POTEC: variants seen among roughly 807,000 people sequenced by gnomAD.
The protein encoded by POTEC is POTE ankyrin domain family member C.
In POTEC, 35 loss-of-function variants were observed where a neutral mutation model predicts 62.0. That is an observed-to-expected ratio of 0.56 (90% CI 0.43 to 0.75). The LOEUF (loss-of-function observed/expected upper bound fraction) is 0.75, where lower values mean the gene tolerates loss of function less well. POTEC is among the 30% of genes least tolerant of loss of function. POTEC has a pLI of 0.00. For missense variants in POTEC, 472 were observed against 655.9 expected (o/e 0.72, Z 3.06); for synonymous variants, 156 against 221.5 (o/e 0.70, Z 2.62).
At chr18:14,521,629 T>C (rs1910310818) in intron 9 of POTEC, among the ~76,000 whole-genome samples, 1 of 152,174 alleles carries the variant, frequency 6.6e-6, no homozygotes. Context: ...AATATGCTAC[T>C]AAATTAATGT....
rs763235728 is a variant in POTEC at position 14,542,924 on chromosome 18, T to A, written c.223A>T (p.Ser75Cys). The A allele has an allele frequency of 2.0e-5, 30 of 1,524,048 alleles. No individual in the cohort carries two copies. The highest frequency in any genetic ancestry group is 2.6e-5 in the Non-Finnish European group (29 of 1,129,356). The allele number at this position is 1,524,048 out of a possible 1,614,324, so 94.4% of individuals were successfully genotyped here. ...CHHCFPCCRG[S>C]GTSNVGTSGD... is the part of the protein sequence containing the mutation. ...GAAGTGCCCACGTTGCTCGTGCCGC[T>A]CCCCCTGCAGCAGGGGAAGCAGTGG... Residue 75 changes from serine to cysteine, a missense_variant, in exon 1 of 11, where the codon AGC (serine) becomes TGC (cysteine). By Grantham distance (112) the Ser-to-Cys change is moderately radical (BLOSUM62 -1). Transcript: ENST00000358970.
intron 3 of POTEC, 142 bp from the exon 4 acceptor site, chr18:14,535,149 C>T (rs557300425): frequency 3.3e-6 from 4 of 1,212,164 alleles, no homozygotes; most frequent in East Asian, 2.7e-5. Flanking sequence ...TACTTTCCCA[C>T]ATGCCACTCC....
In POTEC at chr18:14,543,387, GC is replaced by G. The variant is rs1236001427; in HGVS notation, c.-242del. On this transcript the variant is annotated 5_prime_UTR_variant, in exon 1 of 11. Coordinates refer to ENST00000358970, the MANE Select transcript of POTEC (RefSeq NM_001137671.2). ...CAACGCCCACCCCAGGAAAGGCCAA[GC>G]CCCCCCTCCCAAGGAAACACCCAGC... 1.2e-5 allele frequency: 8 copies of G among 654,086 alleles called. No homozygotes were observed. The highest frequency in any genetic ancestry group is 8.5e-5 in the East Asian group (3 of 35,420). The allele number at this position is 654,086 out of a possible 1,614,324, so 40.5% of individuals were successfully genotyped here.
intron 1 of POTEC, among the ~76,000 whole-genome samples, chr18:14,541,810 C>T (rs1466292635): frequency 6.6e-6 from 1 of 151,578 alleles, no homozygotes; most frequent in Non-Finnish European, 1.5e-5. Context: ...ATGAATAATT[C>T]ACCTTGTTTT....
chr18:14,518,582 T>C (rs1469780107), intron 9 of POTEC, among the ~76,000 whole-genome samples: 2 of 139,418 alleles, frequency 1.4e-5, no homozygotes, highest in East Asian at 2.0e-4. Flanking sequence ...AGGCACCCAA[T>C]TGAACCTTAA....
chr18:14,518,541 T>C (rs1237823727), intron 9 of POTEC, among the ~76,000 whole-genome samples: 2 of 146,272 alleles, frequency 1.4e-5, no homozygotes, highest in African/African-American at 5.0e-5. Flanking sequence ...CACTGAACCT[T>C]CCCTTCGTTA....
At chr18:14,527,659 A>G (rs1910471635) in intron 6 of POTEC, among the ~76,000 whole-genome samples, 1 of 152,118 alleles carries the variant, frequency 6.6e-6, no homozygotes, top group South Asian at 2.1e-4. Context: ...CCTCTGCTTT[A>G]TATTACCACT....
At chr18:14,534,528 C>T (rs574694846) in intron 4 of POTEC, among the ~76,000 whole-genome samples, 1 of 151,854 alleles carries the variant, frequency 6.6e-6, no homozygotes, top group African/African-American at 2.4e-5. Flanking sequence ...AGTGGAAAAA[C>T]ATATAAGATA....
At chr18:14,515,237 T>C (rs926619926) in intron 9 of POTEC, among the ~76,000 whole-genome samples, 1 of 152,170 alleles carries the variant, frequency 6.6e-6, no homozygotes, top group Admixed American at 6.5e-5. Context: ...AGAGCCTGAA[T>C]AGCAACAGAC....
intron 9 of POTEC, among the ~76,000 whole-genome samples, chr18:14,517,548 A>C (rs956501925): frequency 1.8e-4 from 10 of 55,562 alleles, no homozygotes; most frequent in African/African-American, 6.7e-4. Flanking sequence ...GTGCCACCCT[A>C]ATTTTTTTTT....
intron 9 of POTEC, among the ~76,000 whole-genome samples, chr18:14,517,235 T>C (rs1910189886): frequency 6.6e-6 from 1 of 152,062 alleles, no homozygotes; most frequent in African/African-American, 2.4e-5. Context: ...ATACAGAAAA[T>C]TTTCAGTTAA....
intron 1 of POTEC, among the ~76,000 whole-genome samples, chr18:14,541,691 G>C (rs1367380809): frequency 6.6e-6 from 1 of 151,698 alleles, no homozygotes; most frequent in Non-Finnish European, 1.5e-5. Flanking sequence ...GTTTTCTTCT[G>C]GTACTTTTCT....
intron 4 of POTEC, among the ~76,000 whole-genome samples, chr18:14,534,008 T>A (rs1386130547): frequency 1.3e-5 from 2 of 150,590 alleles, no homozygotes; most frequent in Non-Finnish European, 3.0e-5. Context: ...TGTGCCATGC[T>A]GGTGCGCTGC....
chr18:14,537,203 A>C (rs1905754248), intron 3 of POTEC, among the ~76,000 whole-genome samples: 1 of 89,104 alleles, frequency 1.1e-5, no homozygotes, highest in Admixed American at 1.1e-4. Flanking sequence ...ACACACACAC[A>C]CACACACAAA....
rs1418696140 is a variant in POTEC at position 14,509,925 on chromosome 18, T to C, written c.*1973A>G. 11 of 145,082 alleles carry C rather than the reference T, an allele frequency of 7.6e-5. No homozygotes were observed. The Admixed American group carries it at 7.6e-4, about 10-fold the overall frequency. The allele number at this position is 145,082 out of a possible 1,614,324, so 9.0% of individuals were successfully genotyped here. A position where few individuals can be genotyped will look rare whatever the true frequency, so the allele number is the denominator to read the frequency against. On this transcript the variant is annotated 3_prime_UTR_variant, in exon 11 of 11. Transcript: ENST00000358970. ...TAGACCTGATCTGTGCTGGGCAATCTTGCACGTGAGATGGGGCTGGTCTGA... is the reference window on the plus strand; with the variant it reads ...TAGACCTGATCTGTGCTGGGCAATCCTGCACGTGAGATGGGGCTGGTCTGA...
rs760410303 is a variant in POTEC at position 14,542,999 on chromosome 18, C to G, written c.148G>C (p.Asp50His). 8 of 1,613,104 alleles carry G rather than the reference C, an allele frequency of 5.0e-6. No individual in the cohort carries two copies. Among genetic ancestry groups the G allele is most frequent in the South Asian group, 2.2e-5 (2 of 91,014 alleles). The change falls in exon 1 of 11, where the codon GAC becomes CAC. Residue 50 changes from aspartate (D) to histidine (H), a missense_variant. By Grantham distance (81) the Asp-to-His change is moderately conservative (BLOSUM62 -1). This residue lies in a region of POTEC where 257 missense variants were observed against 250.7 expected (regional missense o/e 1.03). Transcript: ENST00000358970. ...KSNMGTSGDH[D>H]DSFMKMLRSK... ...CTGAGCATCTTCATAAAGGAGTCGT[C>G]GTGGTCTCCAGAAGTGCCCATGTTG...
intron 7 of POTEC, among the ~76,000 whole-genome samples, chr18:14,523,777 TA>T (rs1328469586): frequency 6.6e-6 from 1 of 152,130 alleles, no homozygotes; most frequent in African/African-American, 2.4e-5. Flanking sequence ...AAAGGGAGAA[TA>T]AAAACATCAA....
chr18:14,533,347 T>C, intron 4 of POTEC, 149 bp from the exon 5 acceptor site: 8 of 1,453,728 alleles, frequency 5.5e-6, no homozygotes, highest in Admixed American at 2.6e-5. Context: ...TCTTGGGTGC[T>C]CAAGAGTTCA....
chr18:14,537,980 A>T lies in POTEC; in HGVS notation c.637-6T>A, dbSNP rs761356207. On this transcript the variant is annotated splice_polypyrimidine_tract_variant and splice_region_variant and intron_variant, in intron 2 of 10. Coordinates refer to ENST00000358970, the MANE Select transcript of POTEC (RefSeq NM_001137671.2). ...TCTTCCTGGCATTGTACGGCCTGTC[A>T]GTATTAGACCAAAAACAAATTATTA... The T allele has an allele frequency of 4.4e-6, 7 of 1,607,026 alleles. No homozygotes were observed. Among genetic ancestry groups the T allele is most frequent in the Non-Finnish European group, 5.9e-6 (7 of 1,178,978 alleles).
Sources: allele counts gnomAD v4.1 joint callset (sites outside exome capture counted in the v4.1 genomes callset), GRCh38; gene constraint gnomAD v4.1.1; regional missense constraint gnomAD v4.1.1; transcripts MANE v1.5; gene names NCBI Gene and HGNC (gene_info 2026-07-23, HGNC 2026-07-21).